VPS35L: variants seen among roughly 807,000 people sequenced by gnomAD.
VPS35L encodes the protein VPS35 endosomal protein-sorting factor-like.
A neutral mutation model predicts 133.0 loss-of-function variants in VPS35L; 83 were observed. The observed-to-expected ratio is 0.62, with a 90% CI of 0.52 to 0.75. The LOEUF (loss-of-function observed/expected upper bound fraction) is 0.75, where lower values mean the gene tolerates loss of function less well. VPS35L is among the 30% of genes least tolerant of loss of function. VPS35L has a pLI of 0.00. For missense variants in VPS35L, 1,083 were observed against 1,206.8 expected, an observed-to-expected ratio of 0.90 and a Z score of 1.52; for synonymous variants, 423 against 449.9, an observed-to-expected ratio of 0.94 and a Z score of 0.76.
At chr16:19,624,163 T>G (rs1474460254) in intron 14 of VPS35L, among the ~76,000 whole-genome samples, 1 of 136,744 alleles carries the variant, frequency 7.3e-6, no homozygotes, top group African/African-American at 2.7e-5. Context: ...GTGCCCAGGC[T>G]GGAGTTCAGT....
In VPS35L at chr16:19,573,179, C is replaced by A; in HGVS notation, c.346C>A (p.Pro116Thr). ...CTCCGTTGTAGGATCGGATTTTGAG[C>A]CTTGGACCAACAAACGGGGAGAAAT... ...DNSVVGSDFE[P>T]WTNKRGEILA... Residue 116 changes from proline (P) to threonine (T), a missense_variant, in exon 4 of 31, where the codon CCT becomes ACT. Coordinates refer to ENST00000417362, the MANE Select transcript of VPS35L (RefSeq NM_020314.7). 6.2e-7 allele frequency: 1 copy of A among 1,613,934 alleles called. No individual in the cohort carries two copies. Among genetic ancestry groups the A allele is most frequent in the Non-Finnish European group, 8.5e-7 (1 of 1,179,870 alleles).
At position 19,633,175 on chromosome 16, in the gene VPS35L, A is replaced by G. The variant is rs1223548728; in HGVS notation, c.1635+3A>G. ...CATTTGAAGATTCCTACCCCCAGGT[A>G]ACAGATTTGCATTTCTCATTTCAAC... On this transcript the variant is annotated splice_donor_region_variant and intron_variant, in intron 19 of 30. Coordinates refer to ENST00000417362, the MANE Select transcript of VPS35L (RefSeq NM_020314.7). This position sits in a 1 kb window ranked among gnomAD's most constrained non-coding sequence, Gnocchi z 4.1. The G allele has an allele frequency of 1.2e-6, 2 of 1,613,598 alleles. No individual in the cohort carries two copies.
intron 28 of VPS35L, among the ~76,000 whole-genome samples, chr16:19,689,840 G>C (rs1328738407): frequency 1.3e-5 from 2 of 152,164 alleles, no homozygotes; most frequent in Non-Finnish European, 2.9e-5. Flanking sequence ...CACCCACTGA[G>C]GGTCTTGGAA....
At chr16:19,576,177 A>G (rs1477920038) in intron 5 of VPS35L, among the ~76,000 whole-genome samples, 1 of 138,716 alleles carries the variant, frequency 7.2e-6, no homozygotes, top group Non-Finnish European at 1.5e-5. Flanking sequence ...AAAAAAAAAA[A>G]AAACAAAAAA....
At chr16:19,617,096 C>A in intron 14 of VPS35L, 1 of 599,124 alleles carries the variant, frequency 1.7e-6, no homozygotes, top group Non-Finnish European at 3.0e-6. Context: ...GTGCTCATAT[C>A]TGTAATCCCA....
chr16:19,606,681 C>T (rs1972546415), intron 9 of VPS35L, among the ~76,000 whole-genome samples: 1 of 152,164 alleles, frequency 6.6e-6, no homozygotes, highest in African/African-American at 2.4e-5. Context: ...GAAAATGACT[C>T]ATTGCAAAAC....
intron 7 of VPS35L, among the ~76,000 whole-genome samples, chr16:19,590,134 GCCCCGCCCC>G (rs1252634616): frequency 3.9e-4 from 8 of 20,660 alleles, no homozygotes; most frequent in South Asian, 2.8e-3. Flanking sequence ...TTACATTCCC[GCCCCGCCCC>G]CCCCCCCCCC....
intron 24 of VPS35L, among the ~76,000 whole-genome samples, chr16:19,648,600 G>T (rs1230286420): frequency 6.6e-6 from 1 of 152,066 alleles, no homozygotes; most frequent in African/African-American, 2.4e-5. Context: ...GGATGTGATG[G>T]CTCACACCTG....
intron 6 of VPS35L, among the ~76,000 whole-genome samples, chr16:19,581,257 C>G (rs1971699802): frequency 6.6e-6 from 1 of 152,102 alleles, no homozygotes; most frequent in South Asian, 2.1e-4. Context: ...CAGGGTCACA[C>G]AGCTACTTGG....
intron 14 of VPS35L, among the ~76,000 whole-genome samples, chr16:19,618,599 G>A (rs780005931): frequency 6.6e-6 from 1 of 152,216 alleles, no homozygotes; most frequent in Non-Finnish European, 1.5e-5. Context: ...GTGGGCTCTG[G>A]AGTCGGGGTG....
At chr16:19,689,572 CCA>C (rs1290656921) in intron 28 of VPS35L, among the ~76,000 whole-genome samples, 1 of 152,024 alleles carries the variant, frequency 6.6e-6, no homozygotes, top group Non-Finnish European at 1.5e-5. Context: ...GTGCCCAGCC[CCA>C]GTTTCATTTT....
At chr16:19,680,851 G>T (rs558574173) in intron 27 of VPS35L, among the ~76,000 whole-genome samples, 1 of 152,080 alleles carries the variant, frequency 6.6e-6, no homozygotes, top group South Asian at 2.1e-4. Flanking sequence ...AGGCTCCAGC[G>T]AGCTGTGATT....
At chr16:19,597,069 G>C (rs984504565) in intron 8 of VPS35L, among the ~76,000 whole-genome samples, 1 of 151,144 alleles carries the variant, frequency 6.6e-6, no homozygotes, top group Non-Finnish European at 1.5e-5. Context: ...AACAAAGAAG[G>C]GAAGGAAAGG....
At chr16:19,601,294 T>C (rs899833303) in intron 8 of VPS35L, among the ~76,000 whole-genome samples, 2 of 152,286 alleles carry the variant, frequency 1.3e-5, no homozygotes, top group Middle Eastern at 3.4e-3. Flanking sequence ...GGCTGTTGTG[T>C]GTTGTGGAGT....
At chr16:19,612,559 T>A (rs895968236) in intron 12 of VPS35L, among the ~76,000 whole-genome samples, 2 of 152,210 alleles carry the variant, frequency 1.3e-5, no homozygotes, top group African/African-American at 4.8e-5. Flanking sequence ...CAGCCTTGTT[T>A]ATGTATTTCT....
chr16:19,670,324 C>T (rs970993629), intron 27 of VPS35L, among the ~76,000 whole-genome samples: 5 of 152,184 alleles, frequency 3.3e-5, no homozygotes, highest in Non-Finnish European at 7.4e-5. Flanking sequence ...GCAGAGGTGT[C>T]GCCCAGTGGG....
chr16:19,608,813 A>G (rs1972617835), intron 10 of VPS35L, 161 bp from the exon 11 acceptor site: 1 of 587,154 alleles, frequency 1.7e-6, no homozygotes, highest in Non-Finnish European at 3.0e-6. Context: ...TGAAAACCAT[A>G]TGTAGAAACC....
intron 29 of VPS35L, among the ~76,000 whole-genome samples, chr16:19,693,224 G>A (rs547422352): frequency 7.2e-5 from 11 of 152,246 alleles, no homozygotes; most frequent in African/African-American, 2.2e-4. Flanking sequence ...AGTATCAGAC[G>A]AGGCAACTCT....
At chr16:19,593,920 A>G (rs963184263) in intron 8 of VPS35L, among the ~76,000 whole-genome samples, 1 of 151,516 alleles carries the variant, frequency 6.6e-6, no homozygotes, top group Admixed American at 6.6e-5. Flanking sequence ...CCGTCTCCAA[A>G]AAAAAAAAAG....
Sources: gnomAD v4.1 joint callset for allele counts (sites outside exome capture counted in the v4.1 genomes callset) on GRCh38, gnomAD v4.1.1 for gene constraint, Gnocchi (gnomAD v3.1) non-coding constraint, MANE v1.5 for transcripts, NCBI Gene and HGNC (gene_info 2026-07-23, HGNC 2026-07-21) for gene names.